Variants in ABCD3 observed in about 807,000 individuals in gnomAD.
The protein encoded by ABCD3 is ATP-binding cassette sub-family D member 3.
A neutral mutation model predicts 105.5 loss-of-function variants in ABCD3; 41 were observed. That is an observed-to-expected ratio of 0.39 (90% CI 0.30 to 0.50). The LOEUF is 0.50. ABCD3 is among the 20% of genes least tolerant of loss of function. The pLI, the probability that ABCD3 is intolerant of heterozygous loss-of-function variation, is 0.84. For synonymous variants in ABCD3, 258 were observed against 269.0 expected (o/e 0.96, Z 0.40); for missense variants, 622 against 806.3 (o/e 0.77, Z 2.77).
intron 21 of ABCD3, chr1:94,514,619 A>G (rs1466533617): frequency 1.3e-5 from 2 of 153,852 alleles, no homozygotes; most frequent in African/African-American, 4.8e-5. Context: ...ATCAGTGTCC[A>G]TGTGTGTTGC....
intron 20 of ABCD3, among the ~76,000 whole-genome samples, chr1:94,502,619 C>G (rs1446261606): frequency 6.6e-6 from 1 of 151,940 alleles, no homozygotes; most frequent in African/African-American, 2.4e-5. Context: ...GCCTCAGCCT[C>G]CCAAGTAGCT....
chr1:94,413,801 A>T (rs1023940281), upstream of ABCD3, among the ~76,000 whole-genome samples: 1 of 152,144 alleles, frequency 6.6e-6, no homozygotes, highest in Admixed American at 6.5e-5. Flanking sequence ...AAAATTTAAG[A>T]TCTGCCTCCC....
intron 19 of ABCD3, among the ~76,000 whole-genome samples, chr1:94,499,259 T>C (rs956259625): frequency 6.6e-6 from 1 of 152,242 alleles, no homozygotes; most frequent in Non-Finnish European, 1.5e-5. Context: ...ATCATCCTTT[T>C]ACTGTGTACA....
intron 20 of ABCD3, among the ~76,000 whole-genome samples, chr1:94,503,481 C>A (rs1160199823): frequency 6.6e-6 from 1 of 152,080 alleles, no homozygotes; most frequent in Non-Finnish European, 1.5e-5. Context: ...TTATCACATC[C>A]TTTTCCTTCA....
intron 1 of ABCD3, among the ~76,000 whole-genome samples, chr1:94,456,254 AATTTTTTT>A (rs1557670346): frequency 1.1e-4 from 14 of 125,410 alleles, no homozygotes; most frequent in African/African-American, 4.2e-4. Flanking sequence ...CAAATGACAG[AATTTTTTT>A]TTTTTTTTTT....
rs183883248 is a variant in ABCD3 at position 94,462,645 on chromosome 1, C to G, written c.148-2130C>G. 7.9e-4 allele frequency among the ~76,000 whole-genome samples: 120 copies of G among 152,260 alleles called. 1 individual carries two copies. The highest frequency in any genetic ancestry group is 5.6e-4 in the Non-Finnish European group (38 of 68,008). ...TATTTTAAAGTGTTTCAACGTTACT[C>G]TCTTGTAATTCTTTTTTTCTAACTT... On this transcript the variant is annotated intron_variant, in intron 2 of 22. Transcript: ENST00000370214.
intron 1 of ABCD3, among the ~76,000 whole-genome samples, chr1:94,435,736 G>A (rs894328028): frequency 6.6e-5 from 10 of 152,168 alleles, no homozygotes; most frequent in Admixed American, 5.2e-4. Context: ...GTACCTAGTG[G>A]TGCAGTTCAA....
intron 1 of ABCD3, among the ~76,000 whole-genome samples, chr1:94,449,478 AT>A (rs1371304355): frequency 2.0e-5 from 3 of 152,206 alleles, no homozygotes; most frequent in Non-Finnish European, 2.9e-5. Context: ...ATATTTATCA[AT>A]CTTGGCTGGC....
In ABCD3 at chr1:94,489,758, A is replaced by G. The variant is rs773698166; in HGVS notation, c.1191A>G (p.Val397=). 1 of 1,613,146 alleles carries G rather than the reference A, an allele frequency of 6.2e-7. No homozygotes were observed. Among genetic ancestry groups the G allele is most frequent in the African/African-American group, 1.3e-5 (1 of 74,904 alleles). The change falls in exon 14 of 23, where the codon GTA becomes GTG. Residue 397 remains valine (V), a synonymous_variant. Transcript: ENST00000370214. ...FTARITELMQ[V]LKDLNHGKYE... ...CTCGGATTACAGAATTAATGCAAGT[A>G]CTGAAGGATTTAAATCATGGCAAAT... is the stretch of plus-strand genomic sequence containing the variant.
intron 16 of ABCD3, among the ~76,000 whole-genome samples, chr1:94,494,281 T>C (rs1649692218): frequency 6.6e-6 from 1 of 152,172 alleles, no homozygotes; most frequent in African/African-American, 2.4e-5. Flanking sequence ...TCCTTACTTG[T>C]TGGAGTGTTT....
chr1:94,411,016 A>C, the ABCD3 span, among the ~76,000 whole-genome samples: 4 of 152,190 alleles, frequency 2.6e-5, no homozygotes, highest in African/African-American at 9.6e-5. Context: ...AAGAGGTAAA[A>C]CTACAAAACT....
intron 9 of ABCD3, 173 bp from the exon 10 acceptor site, chr1:94,482,997 T>C: frequency 3.2e-6 from 2 of 615,510 alleles, no homozygotes; most frequent in South Asian, 1.9e-5. Context: ...TCCGATCAGC[T>C]GAGCTAGGAA....
At chr1:94,423,234 G>T (rs538050266) in intron 1 of ABCD3, among the ~76,000 whole-genome samples, 1 of 152,196 alleles carries the variant, frequency 6.6e-6, no homozygotes, top group Non-Finnish European at 1.5e-5. Context: ...TACTCCAGAT[G>T]ATCTAAATGA....
chr1:94,501,280 A>C (rs914364292), intron 20 of ABCD3, among the ~76,000 whole-genome samples: 23 of 151,844 alleles, frequency 1.5e-4, no homozygotes, highest in South Asian at 4.2e-4. Flanking sequence ...AAAAAAAAAA[A>C]AAAACACATG....
At chr1:94,499,114 A>G (rs1417313505) in intron 19 of ABCD3, 80 bp downstream of exon 19, 2 of 1,298,104 alleles carry the variant, frequency 1.5e-6, no homozygotes, top group Non-Finnish European at 2.2e-6. Flanking sequence ...TTTAAATGCC[A>G]GGTAGTTTAT....
chr1:94,453,736 G>T (rs1283696239), intron 1 of ABCD3, among the ~76,000 whole-genome samples: 1 of 148,644 alleles, frequency 6.7e-6, no homozygotes, highest in African/African-American at 2.5e-5. Flanking sequence ...CTATTTTTGT[G>T]CTCATTTTTT....
chr1:94,434,977 T>C (rs1228869888), intron 1 of ABCD3, among the ~76,000 whole-genome samples: 1 of 145,208 alleles, frequency 6.9e-6, no homozygotes, highest in Non-Finnish European at 1.5e-5. Flanking sequence ...GTGTTTGTGG[T>C]TTTTTTTTTA....
intron 19 of ABCD3, 86 bp from the exon 20 acceptor site, chr1:94,499,409 A>G: frequency 7.4e-7 from 1 of 1,354,520 alleles, no homozygotes; most frequent in Non-Finnish European, 1.1e-6. Context: ...ATAGAATTAT[A>G]GTGATTCCAG....
intron 2 of ABCD3, among the ~76,000 whole-genome samples, chr1:94,462,747 T>G (rs1647940521): frequency 6.6e-6 from 1 of 152,182 alleles, no homozygotes; most frequent in Non-Finnish European, 1.5e-5. Flanking sequence ...AGATGTCCAT[T>G]TCACCTCAGG....
Sources: gnomAD v4.1 joint callset for allele counts (sites outside exome capture counted in the v4.1 genomes callset) on GRCh38, gnomAD v4.1.1 for gene constraint, MANE v1.5 for transcripts, NCBI Gene and HGNC (gene_info 2026-07-23, HGNC 2026-07-21) for gene names.